The following JCAD variants were observed in gnomAD, a reference collection of about 807,000 sequenced individuals.
The protein encoded by JCAD is junctional cadherin 5-associated protein.
In JCAD, 40 loss-of-function variants were observed where a neutral mutation model predicts 98.0. That is an observed-to-expected ratio of 0.41 (90% confidence interval 0.32 to 0.53). The LOEUF (loss-of-function observed/expected upper bound fraction) is 0.53. Among genes scored for constraint, JCAD ranks in the 20% least tolerant of loss-of-function variants. The pLI is 0.31. For missense variants in JCAD, 1,705 were observed against 1,738.1 expected (o/e 0.98, Z 0.34); for synonymous variants, 691 against 682.3 (o/e 1.01, Z -0.20).
rs1474762006 is a variant in JCAD at position 30,013,747 on chromosome 10, G to A, written c.*4136C>T. On this transcript the variant is annotated 3_prime_UTR_variant, in exon 4 of 4. Coordinates refer to ENST00000375377, the MANE Select transcript of JCAD (RefSeq NM_020848.4). The stretch of plus-strand genomic sequence containing the variant: ...ATGGGGATGAACGGCCAGACAATCT[G>A]GGCTTGCCTTTGGGTTTAAGTTTCA... 1 of 152,244 alleles carries A rather than the reference G, an allele frequency of 6.6e-6. No individual in the cohort carries two copies. The highest frequency in any genetic ancestry group is 2.4e-5 in the African/African-American group (1 of 41,464). The allele number at this position is 152,244 out of a possible 1,614,324, so 9.4% of individuals were successfully genotyped here.
At chr10:30,084,857 C>T (rs188843239) in intron 1 of JCAD, among the ~76,000 whole-genome samples, 159 of 152,256 alleles carry the variant, frequency 1.0e-3, no homozygotes, top group African/African-American at 3.7e-3. Context: ...ATCCATCCAT[C>T]CATCTATCTA....
Position 30,026,897 on chromosome 10 carries a change from G to T in JCAD, c.3251C>A (p.Ala1084Asp). 1 of 1,614,036 alleles carries T rather than the reference G, an allele frequency of 6.2e-7. No individual in the cohort carries two copies. Among genetic ancestry groups the T allele is most frequent in the Non-Finnish European group, 8.5e-7 (1 of 1,179,986 alleles). Residue 1084 changes from alanine to aspartate, a missense_variant, in exon 3 of 4, where the codon GCC (alanine) becomes GAC (aspartate). By Grantham distance (126) the Ala-to-Asp change is moderately radical. Coordinates refer to ENST00000375377, the MANE Select transcript of JCAD (RefSeq NM_020848.4). ...IEIPPGESLQARAARILGIEV... is the reference protein window; with the variant it reads ...IEIPPGESLQDRAARILGIEV... ...AATGCCCAGGATCCTTGCAGCCCTG[G>T]CTTGCAAGGACTCACCTGGGGGGAT...
At chr10:30,070,293 T>C (rs1442316829) in intron 1 of JCAD, among the ~76,000 whole-genome samples, 1 of 152,136 alleles carries the variant, frequency 6.6e-6, no homozygotes, top group Non-Finnish European at 1.5e-5. Context: ...TGTTGCAATG[T>C]TTCCTTTCTC....
intron 3 of JCAD, among the ~76,000 whole-genome samples, chr10:30,024,540 C>T (rs968210440): frequency 6.6e-6 from 1 of 152,088 alleles, no homozygotes; most frequent in African/African-American, 2.4e-5. Flanking sequence ...ACTGCAAAGG[C>T]CCAGCTTGTC....
rs547800910 is a variant in JCAD, at chr10:30,114,033, G to A, written n.128+1334C>T. Among the ~76,000 whole-genome samples, 6 of 152,224 alleles carry A rather than the reference G, an allele frequency of 3.9e-5. No individual in the cohort carries two copies. The South Asian group carries it at 1.2e-3, about 32-fold the overall frequency. On this transcript the variant is annotated intron_variant and non_coding_transcript_variant, in intron 1 of 2. Coordinates refer to the JCAD transcript ENST00000465712. ...CGACTCGTCAGCATTATGACACTGG[G>A]CACTTAGCCCCCTCTGTAAGTTTCT...
intron 1 of JCAD, among the ~76,000 whole-genome samples, chr10:30,085,100 A>T (rs1350378481): frequency 6.6e-6 from 1 of 152,190 alleles, no homozygotes; most frequent in South Asian, 2.1e-4. Context: ...TCTTCCAGTT[A>T]TATAACCTTT....
intron 2 of JCAD, among the ~76,000 whole-genome samples, chr10:30,066,211 G>A (rs1395226647): frequency 2.6e-5 from 4 of 152,150 alleles, no homozygotes; most frequent in Non-Finnish European, 5.9e-5. Flanking sequence ...AAGATTTGAC[G>A]CTAACTGAAA....
At chr10:30,064,762 C>T (rs765701479) in intron 2 of JCAD, among the ~76,000 whole-genome samples, 21 of 152,032 alleles carry the variant, frequency 1.4e-4, no homozygotes, top group Non-Finnish European at 2.9e-4. Flanking sequence ...ACCTCCACCT[C>T]CCAGGTTCAA....
At chr10:30,043,818 G>T (rs1487655549) in intron 2 of JCAD, among the ~76,000 whole-genome samples, 1 of 152,228 alleles carries the variant, frequency 6.6e-6, no homozygotes, top group Non-Finnish European at 1.5e-5. Context: ...CAGCCCGGGG[G>T]GTGGGGAAGT....
intron 1 of JCAD, among the ~76,000 whole-genome samples, chr10:30,111,749 ATCCACAGTGAGCTCACAC>A (rs1395803497): frequency 6.6e-6 from 1 of 152,222 alleles, no homozygotes; most frequent in Non-Finnish European, 1.5e-5. Context: ...TGTGATTCAA[ATCCACAGTGAGCTCACAC>A]TTCACACCCA....
In JCAD at chr10:30,091,714, ATTTTTTTTTT is replaced by A. The variant is rs11307523; in HGVS notation, n.129-21903_129-21894del. 8.6e-5 allele frequency among the ~76,000 whole-genome samples: 7 copies of A among 81,776 alleles called. No homozygotes were observed. The Admixed American group carries it at 8.6e-4, about 10-fold the overall frequency. The allele number at this position is 81,776 out of a possible 152,430, so 53.6% of individuals were successfully genotyped here. A position where few individuals can be genotyped will look rare whatever the true frequency, so the allele number is the denominator to read the frequency against. On this transcript the variant is annotated intron_variant and non_coding_transcript_variant, in intron 1 of 2. Coordinates refer to the JCAD transcript ENST00000465712. ...TTTCTACTTTGGACTAAGTTTTTAA[ATTTTTTTTTT>A]TTTTTTTTTTTTTTTTAGGCCAGGT...
chr10:30,067,250 G>T (rs991368212), intron 2 of JCAD, among the ~76,000 whole-genome samples: 4 of 152,082 alleles, frequency 2.6e-5, no homozygotes, highest in Admixed American at 2.0e-4. Context: ...GGAGAGAATG[G>T]TGTATCAGGC....
chr10:30,062,649 G>T (rs187556129), upstream of JCAD, among the ~76,000 whole-genome samples: 1 of 152,162 alleles, frequency 6.6e-6, no homozygotes, highest in Non-Finnish European at 1.5e-5. Context: ...TCACAATCAC[G>T]GTGGAAGGCA....
At chr10:30,048,139 T>C (rs559172259) in intron 1 of JCAD, among the ~76,000 whole-genome samples, 31 of 152,318 alleles carry the variant, frequency 2.0e-4, no homozygotes, top group Non-Finnish European at 3.8e-4. Flanking sequence ...TAGAAGAGCA[T>C]GTGGCACGGT....
At chr10:30,040,213 CG>C (rs1564450194) in intron 2 of JCAD, among the ~76,000 whole-genome samples, 1 of 152,146 alleles carries the variant, frequency 6.6e-6, no homozygotes, top group Non-Finnish European at 1.5e-5. Context: ...CATCACAAGA[CG>C]CTGCTCCTCC....
chr10:30,070,929 G>A (rs947161155), intron 1 of JCAD, among the ~76,000 whole-genome samples: 20 of 152,210 alleles, frequency 1.3e-4, no homozygotes, highest in East Asian at 9.6e-4. Flanking sequence ...GTTTTGAGAC[G>A]GAGTCTCGCT....
chr10:30,095,526 C>T (rs561104525), intron 1 of JCAD, among the ~76,000 whole-genome samples: 3 of 152,314 alleles, frequency 2.0e-5, no homozygotes, highest in East Asian at 1.9e-4. Context: ...CCTCCCCGTT[C>T]GACCTGCTCT....
At chr10:30,113,548 CAAAAAAA>C (rs71023545) in intron 1 of JCAD, among the ~76,000 whole-genome samples, 140 of 15,950 alleles carry the variant, frequency 8.8e-3, no homozygotes, top group African/African-American at 0.028. Context: ...GAGACACTGT[CAAAAAAA>C]AAAAAAAAAA....
At chr10:30,088,964 C>T (rs141582853) in intron 1 of JCAD, among the ~76,000 whole-genome samples, 21 of 152,176 alleles carry the variant, frequency 1.4e-4, no homozygotes, top group Non-Finnish European at 1.8e-4. Flanking sequence ...GGCGACAGAG[C>T]GAGATGCCAT....
Sources: allele counts gnomAD v4.1 joint callset (sites outside exome capture counted in the v4.1 genomes callset), GRCh38; gene constraint gnomAD v4.1.1; transcripts MANE v1.5; gene names NCBI Gene and HGNC (gene_info 2026-07-23, HGNC 2026-07-21).